Variants in CAMTA1 observed in about 807,000 individuals in gnomAD.
CAMTA1 encodes calmodulin-binding transcription activator 1.
CAMTA1 carries 27 observed loss-of-function variants against 170.9 expected under a neutral mutation model. That is an observed-to-expected ratio of 0.16 (90% CI 0.12 to 0.22). CAMTA1 has a LOEUF of 0.22. CAMTA1 is among the 10% of genes least tolerant of loss of function. The pLI is 1.00. For synonymous variants in CAMTA1, 833 were observed against 891.5 expected (o/e 0.93, Z 1.17); for missense variants, 1,619 against 2,217.2 (o/e 0.73, Z 5.42).
At chr1:6,851,022 T>G (rs1660171880) in intron 3 of CAMTA1, among the ~76,000 whole-genome samples, 1 of 152,188 alleles carries the variant, frequency 6.6e-6, no homozygotes, top group Non-Finnish European at 1.5e-5. Flanking sequence ...GAACCTCAGA[T>G]GAGCTCTATG....
rs141112551 is a variant in CAMTA1 at position 7,597,638 on chromosome 1, G to A, written c.511-42762G>A. Among the ~76,000 whole-genome samples, 383 of 152,124 alleles carry A rather than the reference G, an allele frequency of 2.5e-3. 4 individuals are homozygous for A. The highest frequency in any genetic ancestry group is 8.8e-3 in the African/African-American group (364 of 41,514). ...TCCAAATTCTACAGAGTAGGTCAACGGGCTGGAGACCAGGAAAGAAATGAT... is the reference window on the plus strand; with the variant it reads ...TCCAAATTCTACAGAGTAGGTCAACAGGCTGGAGACCAGGAAAGAAATGAT... On this transcript the variant is annotated intron_variant, in intron 6 of 22. Coordinates refer to ENST00000303635, the MANE Select transcript of CAMTA1 (RefSeq NM_015215.4).
At chr1:7,504,646 G>T (rs1486899866) in intron 6 of CAMTA1, among the ~76,000 whole-genome samples, 4 of 152,280 alleles carry the variant, frequency 2.6e-5, no homozygotes, top group Admixed American at 2.6e-4. Context: ...CACCAAAGAT[G>T]CCCACAGCCA....
At chr1:7,735,514 A>G (rs2096765590) in intron 12 of CAMTA1, among the ~76,000 whole-genome samples, 1 of 152,130 alleles carries the variant, frequency 6.6e-6, no homozygotes, top group African/African-American at 2.4e-5. Flanking sequence ...GCCAGTGGAA[A>G]CATTAGGAAA....
intron 3 of CAMTA1, among the ~76,000 whole-genome samples, chr1:7,062,692 A>C (rs1279344327): frequency 1.3e-5 from 2 of 152,180 alleles, no homozygotes; most frequent in Non-Finnish European, 2.9e-5. Flanking sequence ...GAAGTCCCAT[A>C]AATTGGGTGG....
chr1:6,891,870 C>T (rs1674568097), intron 3 of CAMTA1, among the ~76,000 whole-genome samples: 1 of 152,194 alleles, frequency 6.6e-6, no homozygotes, highest in Non-Finnish European at 1.5e-5. Context: ...CATTTGGTTT[C>T]TTAGCAACCC....
At chr1:7,499,960 G>A (rs376220590) in intron 6 of CAMTA1, among the ~76,000 whole-genome samples, 1 of 147,500 alleles carries the variant, frequency 6.8e-6, no homozygotes, top group Non-Finnish European at 1.5e-5. Flanking sequence ...GGAGAGGACT[G>A]TGTGAGCCTG....
chr1:7,090,805 G>T (rs1386563435), intron 3 of CAMTA1, among the ~76,000 whole-genome samples: 1 of 152,116 alleles, frequency 6.6e-6, no homozygotes, highest in Non-Finnish European at 1.5e-5. Flanking sequence ...CTGGAATATG[G>T]CTTTATCGTG....
At chr1:6,916,925 G>A (rs539288667) in intron 3 of CAMTA1, among the ~76,000 whole-genome samples, 7 of 152,294 alleles carry the variant, frequency 4.6e-5, no homozygotes, top group East Asian at 1.9e-4. Context: ...GGCCTGTTGA[G>A]GTACATGAGG....
chr1:6,997,393 G>A (rs551128989), intron 3 of CAMTA1, among the ~76,000 whole-genome samples: 1 of 152,146 alleles, frequency 6.6e-6, no homozygotes, highest in Non-Finnish European at 1.5e-5. Flanking sequence ...GCCAAATTCC[G>A]AGGTGCATAT....
intron 6 of CAMTA1, among the ~76,000 whole-genome samples, chr1:7,546,698 G>A (rs2094697768): frequency 6.6e-6 from 1 of 152,134 alleles, no homozygotes; most frequent in Non-Finnish European, 1.5e-5. Flanking sequence ...TCACCATTCC[G>A]ACTGGCATGA....
chr1:7,210,593 A>G (rs1456169691), intron 4 of CAMTA1, among the ~76,000 whole-genome samples: 1 of 152,154 alleles, frequency 6.6e-6, no homozygotes, highest in Non-Finnish European at 1.5e-5. Flanking sequence ...AGTAGCTTGT[A>G]TTTCATTAAA....
intron 5 of CAMTA1, among the ~76,000 whole-genome samples, chr1:7,367,326 A>C (rs1289654888): frequency 6.6e-6 from 1 of 152,216 alleles, no homozygotes; most frequent in Non-Finnish European, 1.5e-5. Flanking sequence ...CCCTGACATA[A>C]AGGAGACCAG....
At chr1:7,012,701 T>C (rs2100804229) in intron 3 of CAMTA1, among the ~76,000 whole-genome samples, 1 of 152,268 alleles carries the variant, frequency 6.6e-6, no homozygotes, top group East Asian at 1.9e-4. Context: ...ACTGGCTTCC[T>C]TTCCTCTCAC....
At chr1:7,744,019 G>T (rs1401055918) in intron 16 of CAMTA1, among the ~76,000 whole-genome samples, 3 of 151,510 alleles carry the variant, frequency 2.0e-5, no homozygotes, top group Non-Finnish European at 2.9e-5. Flanking sequence ...AATAGAGACG[G>T]GGTTTCACCG....
At chr1:7,042,393 T>C (rs942000391) in intron 3 of CAMTA1, among the ~76,000 whole-genome samples, 1 of 152,172 alleles carries the variant, frequency 6.6e-6, no homozygotes, top group African/African-American at 2.4e-5. Context: ...GGACTTGTGA[T>C]TCCAGTGGGG....
intron 4 of CAMTA1, among the ~76,000 whole-genome samples, chr1:7,127,001 C>T (rs1024610529): frequency 3.3e-5 from 5 of 152,066 alleles, no homozygotes; most frequent in Non-Finnish European, 7.4e-5. Flanking sequence ...GATCTCCTGA[C>T]CTCATGATCC....
At chr1:7,460,877 T>G (rs1477042444) in intron 5 of CAMTA1, among the ~76,000 whole-genome samples, 1 of 152,050 alleles carries the variant, frequency 6.6e-6, no homozygotes, top group Non-Finnish European at 1.5e-5. Context: ...GGCAGAGAGA[T>G]GGGCCCAGTG....
chr1:7,223,146 TCCACCCACCCACCCACCCAC>T (rs60971040), intron 4 of CAMTA1, among the ~76,000 whole-genome samples: 1 of 130,872 alleles, frequency 7.6e-6, no homozygotes, highest in Non-Finnish European at 1.6e-5. Context: ...TACCTGTTGA[TCCACCCACCCACCCACCCAC>T]CCACCCATCC....
At chr1:6,813,629 A>AT (rs1297863401) in intron 1 of CAMTA1, among the ~76,000 whole-genome samples, 2 of 151,888 alleles carry the variant, frequency 1.3e-5, no homozygotes, top group Non-Finnish European at 2.9e-5. Flanking sequence ...CTTTTTAAAA[A>AT]TTTTTTTTAG....
Sources: allele counts gnomAD v4.1 joint callset (sites outside exome capture counted in the v4.1 genomes callset), GRCh38; gene constraint gnomAD v4.1.1; transcripts MANE v1.5; gene names NCBI Gene and HGNC (gene_info 2026-07-23, HGNC 2026-07-21).